Variants in PTPRS observed in about 807,000 individuals in gnomAD.
PTPRS encodes protein tyrosine phosphatase receptor type S, also known as receptor-type tyrosine-protein phosphatase S.
PTPRS carries 63 observed loss-of-function variants against 215.3 expected under a neutral mutation model. The ratio of observed to expected loss-of-function variants is 0.29; its 90% CI spans 0.24 to 0.36. The LOEUF (loss-of-function observed/expected upper bound fraction) is 0.36. Among genes scored for constraint, PTPRS ranks in the 10% least tolerant of loss-of-function variants. The probability of loss-of-function intolerance (pLI) is 1.00; values close to 1 mark genes in which losing one functional copy is unlikely to be tolerated. For missense variants in PTPRS, 2,258 were observed against 2,825.8 expected (o/e 0.80, Z 4.56); for synonymous variants, 1,404 against 1,191.4 (o/e 1.18, Z -3.68).
chr19:5,231,373 C>T lies in PTPRS; in HGVS notation c.2092G>A (p.Ala698Thr), dbSNP rs778710485. 9.3e-6 allele frequency: 15 copies of T among 1,612,652 alleles called. No homozygotes were observed. Among genetic ancestry groups the T allele is most frequent in the Non-Finnish European group, 1.0e-5 (12 of 1,179,892 alleles). The part of the protein sequence containing the change: ...KWTQYRITTV[A>T]HTEVGPGPES... Reference sequence around the variant, plus strand: ...GGCCCTGGTCCCACCTCTGTGTGAGCGACAGTCGTGATGCGGTACTGGGTC... The same window carrying T: ...GGCCCTGGTCCCACCTCTGTGTGAGTGACAGTCGTGATGCGGTACTGGGTC... Residue 698 changes from alanine to threonine, a missense_variant, in exon 14 of 38, where the codon GCT becomes ACT. Coordinates refer to ENST00000262963, the MANE Select transcript of PTPRS (RefSeq NM_002850.4).
intron 7 of PTPRS, among the ~76,000 whole-genome samples, chr19:5,259,310 C>A (rs1186312424): frequency 6.6e-6 from 1 of 152,116 alleles, no homozygotes; most frequent in East Asian, 1.9e-4. Context: ...TTTCCATGAA[C>A]CTATAAAAAT....
chr19:5,225,934 G>A, intron 16 of PTPRS, 90 bp from the exon 17 acceptor site: 1 of 1,073,308 alleles, frequency 9.3e-7, no homozygotes, highest in Non-Finnish European at 1.4e-6. Context: ...AAGCAAGGAG[G>A]ATGCAGGGCC....
chr19:5,291,119 T>C (rs917089637), intron 1 of PTPRS, among the ~76,000 whole-genome samples: 3 of 151,834 alleles, frequency 2.0e-5, no homozygotes, highest in South Asian at 2.1e-4. Context: ...GACTATTGAT[T>C]TGTATTGGGA....
intron 25 of PTPRS, among the ~76,000 whole-genome samples, chr19:5,218,202 TAA>T (rs5826876): frequency 6.8e-6 from 1 of 146,232 alleles, no homozygotes; most frequent in African/African-American, 2.5e-5. Context: ...ATGTTAACTT[TAA>T]AAAAAAAAAA....
In PTPRS at chr19:5,293,307, AG is replaced by A. The variant is rs1401176116; in HGVS notation, c.-94-7074del. 2.9e-5 allele frequency: 1 copy of A among 33,998 alleles called. No individual in the cohort carries two copies. The allele number at this position is 33,998 out of a possible 1,614,324, so 2.1% of individuals were successfully genotyped here. ...GGGGCGGGGCAAGGGGCGGGGCTGT[AG>A]GGGGCGGGGTTGCAGTGGGCGGGGC... On this transcript the variant is annotated intron_variant, in intron 1 of 37. Coordinates refer to ENST00000262963, the MANE Select transcript of PTPRS (RefSeq NM_002850.4). This position sits in a 1 kb window ranked among gnomAD's most constrained non-coding sequence, Gnocchi z 8.4.
intron 1 of PTPRS, among the ~76,000 whole-genome samples, chr19:5,327,737 A>C (rs2050207822): frequency 6.6e-6 from 1 of 152,094 alleles, no homozygotes; most frequent in Non-Finnish European, 1.5e-5. Flanking sequence ...AGTAGCTGGG[A>C]TTACAGGTGC....
chr19:5,218,327 G>T, intron 25 of PTPRS, 93 bp downstream of exon 25: 2 of 1,010,412 alleles, frequency 2.0e-6, no homozygotes, highest in Non-Finnish European at 3.0e-6. Context: ...GTTCAGAGGG[G>T]GCCAATGAGG....
chr19:5,213,592 T>C (rs76078880), intron 30 of PTPRS, among the ~76,000 whole-genome samples: 1 of 152,212 alleles, frequency 6.6e-6, no homozygotes, highest in Non-Finnish European at 1.5e-5. Context: ...TTTGTCTGTT[T>C]AGGTCCCTGT....
chr19:5,287,879 C>T lies in PTPRS; in HGVS notation c.-94-1645G>A, dbSNP rs1354050874. Reference sequence around the variant, plus strand: ...ACACAGTCAAACCACCGATACACACCGACACACAGTCAGACTGCAAGCGGT... The same window carrying T: ...ACACAGTCAAACCACCGATACACACTGACACACAGTCAGACTGCAAGCGGT... On this transcript the variant is annotated intron_variant, in intron 1 of 37. Transcript: ENST00000262963. The surrounding 1 kb of genome is among the most constrained non-coding windows in gnomAD (Gnocchi z 4.8). Among the ~76,000 whole-genome samples the T allele has an allele frequency of 1.3e-5, 2 of 150,260 alleles. No individual in the cohort carries two copies. Among genetic ancestry groups the T allele is most frequent in the East Asian group, 2.0e-4 (1 of 4,974 alleles).
At chr19:5,304,285 G>T (rs1029553020) in intron 1 of PTPRS, among the ~76,000 whole-genome samples, 1 of 151,978 alleles carries the variant, frequency 6.6e-6, no homozygotes, top group Non-Finnish European at 1.5e-5. Context: ...CCAACATGGT[G>T]AAACCTCCAT....
intron 1 of PTPRS, among the ~76,000 whole-genome samples, chr19:5,325,504 C>T (rs551297780): frequency 8.6e-5 from 13 of 151,780 alleles, no homozygotes; most frequent in Admixed American, 2.0e-4. Flanking sequence ...AGAAGAGAGA[C>T]GTCATCGGGG....
intron 1 of PTPRS, among the ~76,000 whole-genome samples, chr19:5,303,500 T>C (rs2037099028): frequency 6.6e-6 from 1 of 151,572 alleles, no homozygotes; most frequent in South Asian, 2.1e-4. Context: ...CAGCGACAGA[T>C]GGGGATAGAG....
chr19:5,263,633 C>T (rs1022076184), intron 5 of PTPRS, among the ~76,000 whole-genome samples: 36 of 152,224 alleles, frequency 2.4e-4, no homozygotes, highest in Admixed American at 2.2e-3. Context: ...ACAGTAAATC[C>T]GTGACACAGA....
intron 13 of PTPRS, 138 bp from the exon 14 acceptor site, chr19:5,231,753 A>C (rs2043036312): frequency 2.2e-6 from 1 of 453,022 alleles, no homozygotes. Context: ...AACCAAAGAG[A>C]AGTCGAACCC....
intron 1 of PTPRS, among the ~76,000 whole-genome samples, chr19:5,306,876 T>C (rs901854440): frequency 1.1e-4 from 17 of 152,198 alleles, no homozygotes; most frequent in African/African-American, 4.1e-4. Flanking sequence ...ACATTCCCTT[T>C]AGGCCTGATA....
intron 4 of PTPRS, among the ~76,000 whole-genome samples, chr19:5,269,283 G>C (rs990214827): frequency 1.3e-5 from 2 of 152,140 alleles, no homozygotes; most frequent in East Asian, 3.9e-4. Flanking sequence ...CAGGGTGCAG[G>C]GGGAGGTCTC....
rs775076004 is a variant in PTPRS, at chr19:5,223,152, G to A, written c.2640C>T (p.Thr880=). Residue 880 remains threonine, a synonymous_variant, in exon 18 of 38, where the codon ACC becomes ACT. Coordinates refer to ENST00000262963, the MANE Select transcript of PTPRS (RefSeq NM_002850.4). ...FGREDSTPLA[T]LEFPPSEDRY... is the part of the protein sequence containing the mutation. The stretch of plus-strand genomic sequence containing the variant: ...GGTCCTCGGAGGGCGGGAACTCCAG[G>A]GTGGCCAGGGGCGTCGAGTCCTCAC... The A allele has an allele frequency of 3.2e-6, 5 of 1,570,988 alleles. No homozygotes were observed. The highest frequency in any genetic ancestry group is 1.2e-5 in the South Asian group (1 of 85,780).
At chr19:5,296,637 G>A (rs141043781) in intron 1 of PTPRS, among the ~76,000 whole-genome samples, 4 of 151,166 alleles carry the variant, frequency 2.6e-5, no homozygotes, top group Non-Finnish European at 5.9e-5. Flanking sequence ...CCCCGGGGCA[G>A]CACTGCACCT....
chr19:5,265,407 T>C (rs1232448030), intron 4 of PTPRS, among the ~76,000 whole-genome samples: 1 of 152,126 alleles, frequency 6.6e-6, no homozygotes, highest in African/African-American at 2.4e-5. Context: ...AGTGGCTCGA[T>C]CATAGCTCAC....
Sources: gnomAD v4.1 joint callset for allele counts (sites outside exome capture counted in the v4.1 genomes callset) on GRCh38, gnomAD v4.1.1 for gene constraint, Gnocchi (gnomAD v3.1) non-coding constraint, MANE v1.5 for transcripts, NCBI Gene and HGNC (gene_info 2026-07-23, HGNC 2026-07-21) for gene names.